Variants in SLC35F3 observed in about 807,000 individuals in gnomAD.
SLC35F3 encodes solute carrier family 35 member F3.
Under a neutral mutation model 49.9 loss-of-function variants are expected in SLC35F3, and 25 were observed. That is an observed-to-expected ratio of 0.50 (90% CI 0.37 to 0.70). The LOEUF is 0.70. Ranked by LOEUF, SLC35F3 falls within the 30% of genes least tolerant of loss-of-function variation. The pLI, the probability that SLC35F3 is intolerant of heterozygous loss-of-function variation, is 0.00. For synonymous variants in SLC35F3, 275 were observed against 265.4 expected, an observed-to-expected ratio of 1.04 and a Z score of -0.35; for missense variants, 525 against 639.8, an observed-to-expected ratio of 0.82 and a Z score of 1.94.
At chr1:234,112,332 T>C (rs1043409685) in intron 2 of SLC35F3, among the ~76,000 whole-genome samples, 17 of 152,102 alleles carry the variant, frequency 1.1e-4, no homozygotes, top group African/African-American at 4.1e-4. Flanking sequence ...CCAGCATGGG[T>C]GATGGAATGA....
rs374613328 is a variant in SLC35F3 at position 234,318,795 on chromosome 1, C to T, written c.999C>T (p.Ala333=). The T allele has an allele frequency of 2.8e-5, 45 of 1,614,010 alleles. No homozygotes were observed. The African/African-American group carries it at 3.5e-4, about 12-fold the overall frequency. Residue 333 remains alanine, a synonymous_variant, in exon 6 of 8, where the codon GCC becomes GCT. Transcript: ENST00000366618. ...LLLGSAKFGE[A]ALFLSILGVF... ...TGGGCAGTGCTAAGTTTGGAGAAGC[C>T]GCCTTATTTTTGTCCATCTTGGGTG...
intron 2 of SLC35F3, among the ~76,000 whole-genome samples, chr1:234,154,506 A>G (rs965093582): frequency 6.6e-6 from 1 of 152,186 alleles, no homozygotes; most frequent in East Asian, 1.9e-4. Context: ...GTTGCTTCCA[A>G]GTCTAAGCCG....
chr1:234,125,099 G>T (rs1188826361), intron 2 of SLC35F3, among the ~76,000 whole-genome samples: 1 of 151,474 alleles, frequency 6.6e-6, no homozygotes, highest in African/African-American at 2.4e-5. Context: ...AATCCAGTGT[G>T]GCTCCTTTGT....
In SLC35F3 at chr1:234,108,324, ATAT is replaced by A. The variant is rs577281775; in HGVS notation, c.284-123088_284-123086del. ...ATATATTTATATATATAAAAGATAT[ATAT>A]TATTTATATATATAAAAGATATATA... On this transcript the variant is annotated intron_variant, in intron 2 of 7. Coordinates refer to ENST00000366618, the MANE Select transcript of SLC35F3 (RefSeq NM_173508.4). Among the ~76,000 whole-genome samples the A allele has an allele frequency of 3.0e-3, 372 of 123,842 alleles. 12 individuals are homozygous for A. Among genetic ancestry groups the A allele is most frequent in the African/African-American group, 6.9e-3 (227 of 32,706 alleles). 81.2% of individuals were successfully genotyped at this position (123,842 alleles called of 152,430 possible). A position where few individuals can be genotyped will look rare whatever the true frequency, so the allele number is the denominator to read the frequency against.
intron 2 of SLC35F3, among the ~76,000 whole-genome samples, chr1:233,941,927 T>G (rs2102799430): frequency 6.6e-6 from 1 of 151,574 alleles, no homozygotes; most frequent in East Asian, 1.9e-4. Context: ...CTCAAAAGTT[T>G]CCTTGTGCCT....
intron 2 of SLC35F3, among the ~76,000 whole-genome samples, chr1:234,227,559 C>G (rs1036237154): frequency 6.6e-6 from 1 of 151,950 alleles, no homozygotes; most frequent in Non-Finnish European, 1.5e-5. Flanking sequence ...CCACCACGCC[C>G]GGCTAATTTT....
intron 2 of SLC35F3, among the ~76,000 whole-genome samples, chr1:234,195,290 A>C (rs900822335): frequency 2.6e-5 from 4 of 152,214 alleles, no homozygotes; most frequent in Non-Finnish European, 1.5e-5. Context: ...TTTGAGCCAC[A>C]GAACCATCTG....
At chr1:234,274,682 C>T (rs191331370) in intron 3 of SLC35F3, among the ~76,000 whole-genome samples, 3 of 152,308 alleles carry the variant, frequency 2.0e-5, no homozygotes, top group East Asian at 1.9e-4. Context: ...CAAGCCAAGG[C>T]GATTGTGATG....
chr1:234,011,030 G>A (rs1309523813), intron 2 of SLC35F3, among the ~76,000 whole-genome samples: 2 of 152,116 alleles, frequency 1.3e-5, no homozygotes, highest in Non-Finnish European at 2.9e-5. Context: ...ATTCATATAA[G>A]CAAGAGTTAA....
chr1:234,154,517 G>A (rs932913734), intron 2 of SLC35F3, among the ~76,000 whole-genome samples: 2 of 152,144 alleles, frequency 1.3e-5, no homozygotes, highest in Non-Finnish European at 2.9e-5. Flanking sequence ...GTCTAAGCCG[G>A]AAATGTGTAA....
intron 7 of SLC35F3, 45 bp from the exon 8 acceptor site, chr1:234,322,963 C>G (rs1047185654): frequency 1.3e-6 from 2 of 1,569,830 alleles, no homozygotes; most frequent in Non-Finnish European, 1.8e-6. Context: ...AGGGACATGC[C>G]CCCAACCCTG....
chr1:234,041,326 G>A (rs564029410), intron 2 of SLC35F3, among the ~76,000 whole-genome samples: 10 of 152,168 alleles, frequency 6.6e-5, no homozygotes, highest in Non-Finnish European at 1.2e-4. Context: ...CTTGTACTAC[G>A]TCCACCTTCT....
intron 2 of SLC35F3, among the ~76,000 whole-genome samples, chr1:234,075,922 C>A (rs1220077661): frequency 6.6e-6 from 1 of 152,202 alleles, no homozygotes; most frequent in Non-Finnish European, 1.5e-5. Context: ...GATTACCACA[C>A]CCGCGCTTTT....
chr1:233,924,000 G>T (rs557894600), intron 2 of SLC35F3, among the ~76,000 whole-genome samples: 1 of 152,176 alleles, frequency 6.6e-6, no homozygotes, highest in Non-Finnish European at 1.5e-5. Context: ...AAGCCAACTC[G>T]ATCGTGGTGG....
Position 234,046,082 on chromosome 1 carries a change from G to A in SLC35F3, c.283+140324G>A, listed in dbSNP as rs1664288832. On this transcript the variant is annotated intron_variant, in intron 2 of 7. Transcript: ENST00000366618. This position sits in a 1 kb window ranked among gnomAD's most constrained non-coding sequence, Gnocchi z 4.4. ...TTCTCACATTTTGCTACTGAAAACA[G>A]CACTGCAGGAAACATTTTGTATAGG... 6.6e-6 allele frequency among the ~76,000 whole-genome samples: 1 copy of A among 152,046 alleles called. No individual in the cohort carries two copies. Among genetic ancestry groups the A allele is most frequent in the Non-Finnish European group, 1.5e-5 (1 of 67,988 alleles).
intron 2 of SLC35F3, among the ~76,000 whole-genome samples, chr1:234,047,975 C>T (rs1664319181): frequency 1.3e-5 from 2 of 152,084 alleles, no homozygotes; most frequent in Non-Finnish European, 2.9e-5. Context: ...CTATACCATT[C>T]TGGTGCCATT....
intron 3 of SLC35F3, among the ~76,000 whole-genome samples, chr1:234,268,139 C>T (rs1045103431): frequency 6.6e-6 from 1 of 152,046 alleles, no homozygotes; most frequent in African/African-American, 2.4e-5. Context: ...GCCGAGATCA[C>T]GCCACTGCAC....
At chr1:233,995,403 C>G (rs773719690) in intron 2 of SLC35F3, among the ~76,000 whole-genome samples, 15 of 142,220 alleles carry the variant, frequency 1.1e-4, no homozygotes, top group Non-Finnish European at 2.3e-4. Context: ...AGCCCCTGGC[C>G]AGATGGATAA....
chr1:234,028,368 G>C (rs778562027), intron 2 of SLC35F3, among the ~76,000 whole-genome samples: 12 of 152,232 alleles, frequency 7.9e-5, no homozygotes, highest in Non-Finnish European at 1.6e-4. Context: ...ATTTGAGCCT[G>C]TGAGGTTAAA....
Sources: allele counts gnomAD v4.1 joint callset (sites outside exome capture counted in the v4.1 genomes callset), GRCh38; gene constraint gnomAD v4.1.1; non-coding constraint Gnocchi (gnomAD v3.1); transcripts MANE v1.5; gene names NCBI Gene and HGNC (gene_info 2026-07-23, HGNC 2026-07-21).